The following ST3GAL2 variants were observed in gnomAD, a reference collection of about 807,000 sequenced individuals.
The protein encoded by ST3GAL2 is CMP-N-acetylneuraminate-beta-galactosamide-alpha-2,3-sialyltransferase 2.
Under a neutral mutation model 37.5 loss-of-function variants are expected in ST3GAL2, and 16 were observed. The ratio of observed to expected loss-of-function variants is 0.43; its 90% CI spans 0.29 to 0.65. The LOEUF (loss-of-function observed/expected upper bound fraction) is 0.65, where lower values mean the gene tolerates loss of function less well. Ranked by LOEUF, ST3GAL2 falls within the 30% of genes least tolerant of loss-of-function variation. The pLI is 0.17. For missense variants in ST3GAL2, 383 were observed against 487.8 expected (o/e 0.79, Z 2.02); for synonymous variants, 238 against 202.9 (o/e 1.17, Z -1.47).
chr16:70,423,204 T>G (rs886665216), intron 1 of ST3GAL2: 3 of 152,288 alleles, frequency 2.0e-5, no homozygotes, highest in African/African-American at 4.8e-5. Flanking sequence ...AAGGGACCAT[T>G]TGCCATAAAA....
In ST3GAL2 at chr16:70,423,914, C is replaced by T. The variant is rs539083115; in HGVS notation, c.-1004+15035G>A. ...TCTACTAAAAGTACAAAAAATTAGC[C>T]GGGCGTGGTGGCAAGCGCCTGTAGT... On this transcript the variant is annotated intron_variant, in intron 1 of 6. Transcript: ENST00000342907. 6.0e-5 allele frequency among the ~76,000 whole-genome samples: 9 copies of T among 150,968 alleles called. No individual in the cohort carries two copies. In the East Asian group the frequency reaches 1.0e-3, roughly 17 times the overall value.
intron 1 of ST3GAL2, among the ~76,000 whole-genome samples, chr16:70,421,938 ATTGT>A (rs2047717550): frequency 6.6e-6 from 1 of 152,014 alleles, no homozygotes; most frequent in African/African-American, 2.4e-5. Flanking sequence ...GTTTGTTGTT[ATTGT>A]TTGTTTTTGT....
At chr16:70,423,433 C>A (rs1297792997) in intron 1 of ST3GAL2, among the ~76,000 whole-genome samples, 5 of 151,994 alleles carry the variant, frequency 3.3e-5, no homozygotes, top group African/African-American at 4.8e-5. Context: ...TCGCTTGAAC[C>A]TGGGAGGCGG....
chr16:70,427,853 C>T (rs570437955), intron 1 of ST3GAL2, among the ~76,000 whole-genome samples: 2 of 152,332 alleles, frequency 1.3e-5, no homozygotes, highest in South Asian at 4.1e-4. Context: ...TCATTCTTCA[C>T]CTCCAGCAGT....
chr16:70,424,710 G>A (rs2047738880), intron 1 of ST3GAL2, among the ~76,000 whole-genome samples: 2 of 152,156 alleles, frequency 1.3e-5, no homozygotes, highest in South Asian at 4.1e-4. Flanking sequence ...TAATTACAGT[G>A]GCTAAAAATC....
intron 1 of ST3GAL2, among the ~76,000 whole-genome samples, chr16:70,404,673 T>C (rs2047577517): frequency 1.3e-5 from 2 of 152,146 alleles, no homozygotes; most frequent in Admixed American, 6.6e-5. Context: ...GTCACCATAA[T>C]ATATGACTCA....
At chr16:70,383,401 T>C (rs895195565) in intron 4 of ST3GAL2, among the ~76,000 whole-genome samples, 166 bp from the exon 5 acceptor site, 3 of 150,946 alleles carry the variant, frequency 2.0e-5, no homozygotes, top group Admixed American at 6.6e-5. Flanking sequence ...CTGACCAACA[T>C]AGTGAAACCC....
At chr16:70,432,699 C>T (rs992482631) in intron 1 of ST3GAL2, among the ~76,000 whole-genome samples, 2 of 152,136 alleles carry the variant, frequency 1.3e-5, no homozygotes, top group African/African-American at 4.8e-5. Flanking sequence ...AGATGTCTAC[C>T]CTAATAGCTG....
chr16:70,392,242 G>A lies in ST3GAL2; in HGVS notation c.533+2740C>T, dbSNP rs572544026. On this transcript the variant is annotated intron_variant, in intron 3 of 6. Coordinates refer to ENST00000342907, the MANE Select transcript of ST3GAL2 (RefSeq NM_006927.4). ...TGTTTCACAGCCTCCAAGGGAAAGG[G>A]AAGGAACATGGCACTCTAACAGGGA... Among the ~76,000 whole-genome samples, 5 of 152,348 alleles carry A rather than the reference G, an allele frequency of 3.3e-5. No homozygotes were observed. The South Asian group carries it at 1.0e-3, about 32-fold the overall frequency.
intron 1 of ST3GAL2, among the ~76,000 whole-genome samples, chr16:70,401,945 G>T (rs1262081524): frequency 7.6e-6 from 1 of 131,952 alleles, no homozygotes; most frequent in Non-Finnish European, 1.5e-5. Flanking sequence ...AGTGCGCCAA[G>T]ATCACGCCAT....
chr16:70,389,583 G>A (rs2047468515), intron 3 of ST3GAL2, among the ~76,000 whole-genome samples: 1 of 152,062 alleles, frequency 6.6e-6, no homozygotes, highest in African/African-American at 2.4e-5. Flanking sequence ...TCCTGCCTCA[G>A]CCTCCCAAGT....
At chr16:70,420,013 C>CACCA (rs143145918) in intron 1 of ST3GAL2, among the ~76,000 whole-genome samples, 6 of 146,952 alleles carry the variant, frequency 4.1e-5, no homozygotes, top group African/African-American at 1.6e-4. Flanking sequence ...ACCATTTGAC[C>CACCA]CCCCCCTTCC....
chr16:70,430,464 A>T (rs1430620222), intron 1 of ST3GAL2, among the ~76,000 whole-genome samples: 2 of 152,198 alleles, frequency 1.3e-5, no homozygotes, highest in Non-Finnish European at 2.9e-5. Flanking sequence ...CTTGACACAA[A>T]CTATTGACCT....
chr16:70,422,568 G>T lies in ST3GAL2; in HGVS notation c.-1004+16381C>A, dbSNP rs541105698. Among the ~76,000 whole-genome samples, 277 of 152,312 alleles carry T rather than the reference G, an allele frequency of 1.8e-3. 1 individual carries two copies. Among genetic ancestry groups the T allele is most frequent in the African/African-American group, 6.1e-3 (252 of 41,584 alleles). Reference sequence around the variant, plus strand: ...CAGGAGTGAGAGGCTCAGAATGCAAGAGGCATCCAGTCCCAAACTTCACTC... The same window carrying T: ...CAGGAGTGAGAGGCTCAGAATGCAATAGGCATCCAGTCCCAAACTTCACTC... On this transcript the variant is annotated intron_variant, in intron 1 of 6. Coordinates refer to ENST00000342907, the MANE Select transcript of ST3GAL2 (RefSeq NM_006927.4).
intron 1 of ST3GAL2, among the ~76,000 whole-genome samples, chr16:70,419,352 TA>T (rs1185576900): frequency 6.6e-6 from 1 of 152,116 alleles, no homozygotes; most frequent in Non-Finnish European, 1.5e-5. Context: ...GATGTGAGAA[TA>T]GGGGAGAGAA....
chr16:70,401,523 T>TA (rs200578798), intron 1 of ST3GAL2, among the ~76,000 whole-genome samples: 169 of 147,944 alleles, frequency 1.1e-3, no homozygotes, highest in Non-Finnish European at 1.9e-3. Flanking sequence ...GGGGAGGAGC[T>TA]AAAAAAAAAA....
chr16:70,408,308 G>A (rs542504323), intron 1 of ST3GAL2, among the ~76,000 whole-genome samples: 22 of 151,888 alleles, frequency 1.4e-4, no homozygotes, highest in African/African-American at 4.8e-4. Context: ...CAAAACATTC[G>A]CTGTGCCCCA....
intron 1 of ST3GAL2, among the ~76,000 whole-genome samples, chr16:70,426,467 T>C (rs969769895): frequency 1.3e-5 from 2 of 151,570 alleles, no homozygotes; most frequent in Admixed American, 6.6e-5. Flanking sequence ...CCCAAAGTGC[T>C]GGGATTACAG....
chr16:70,384,401 A>T (rs1313956956), intron 4 of ST3GAL2, among the ~76,000 whole-genome samples: 2 of 152,222 alleles, frequency 1.3e-5, no homozygotes, highest in Non-Finnish European at 2.9e-5. Flanking sequence ...CACTTACATG[A>T]GGCATAAAGA....
Sources: gnomAD v4.1 joint callset for allele counts (sites outside exome capture counted in the v4.1 genomes callset) on GRCh38, gnomAD v4.1.1 for gene constraint, MANE v1.5 for transcripts, NCBI Gene and HGNC (gene_info 2026-07-23, HGNC 2026-07-21) for gene names.